Variants in KLHL30 observed in about 807,000 individuals in gnomAD.
KLHL30 encodes kelch-like protein 30.
Under a neutral mutation model 55.0 loss-of-function variants are expected in KLHL30, and 55 were observed. That is an observed-to-expected ratio of 1.00 (90% CI 0.80 to 1.25). The LOEUF (loss-of-function observed/expected upper bound fraction) is 1.25. Ranked by LOEUF, KLHL30 falls within the 50% of genes most tolerant of loss-of-function variation. The pLI is 0.00. For missense variants in KLHL30, 786 were observed against 811.6 expected (o/e 0.97, Z 0.38); for synonymous variants, 356 against 372.6 (o/e 0.96, Z 0.51).
At chr2:238,149,913 C>T (rs996962453) in intron 7 of KLHL30, among the ~76,000 whole-genome samples, 3 of 152,144 alleles carry the variant, frequency 2.0e-5, no homozygotes, top group Non-Finnish European at 4.4e-5. Flanking sequence ...CTGGACCTGC[C>T]CACCTGCCCC....
Position 238,152,097 on chromosome 2 carries a change from TGGGACATGGGGCTAGAA to T in KLHL30, c.*1034_*1050del, listed in dbSNP as rs1692766454. ...GTCCCTCCTGTCACAGGCTCCGCCCTGGGACATGGGGCTAGAAGTCAGGAGTCGGGCCCGGCCAGGCA... is the reference window on the plus strand; with the variant it reads ...GTCCCTCCTGTCACAGGCTCCGCCCTGTCAGGAGTCGGGCCCGGCCAGGCA... On this transcript the variant is annotated 3_prime_UTR_variant, in exon 8 of 8. Coordinates refer to ENST00000409223, the MANE Select transcript of KLHL30 (RefSeq NM_198582.4). The T allele has an allele frequency of 2.0e-6, 2 of 985,368 alleles. No homozygotes were observed. Among genetic ancestry groups the T allele is most frequent in the Admixed American group, 6.1e-5 (1 of 16,274 alleles). The allele number at this position is 985,368 out of a possible 1,614,324, so 61.0% of individuals were successfully genotyped here.
Position 238,151,052 on chromosome 2 carries a change from C to T in KLHL30, c.1724C>T (p.Thr575Ile). The part of the protein sequence containing the change: ...VSKWTQPSGP[T>I]QEH ...AAGTGGACCCAGCCCTCCGGCCCCA[C>T]CCAGGAGCACTAAACCAGGGCCAGG... The change falls in exon 8 of 8, where the codon ACC (threonine) becomes ATC (isoleucine). Residue 575 changes from threonine (T) to isoleucine (I), a missense_variant. By Grantham distance (89) the Thr-to-Ile change is moderately conservative (BLOSUM62 -1). Transcript: ENST00000409223. The T allele has an allele frequency of 1.3e-6, 2 of 1,591,982 alleles. No homozygotes were observed. The highest frequency in any genetic ancestry group is 1.1e-5 in the South Asian group (1 of 87,536).
In KLHL30 at chr2:238,141,312, C is replaced by A. The variant is rs1310859678; in HGVS notation, c.558C>A (p.Asp186Glu). ...GGCTGGTCACTTGTCTGGCCGGCGA[C>A]CTGCTGCAGGTACAGCCGGAGCAAA... is the stretch of plus-strand genomic sequence containing the variant. Reference protein sequence around the residue: ...RERLVTCLAGDLLQVQPEQSR... With the variant: ...RERLVTCLAGELLQVQPEQSR... The change falls in exon 2 of 8, where the codon GAC becomes GAA. Residue 186 changes from aspartate (D) to glutamate (E), a missense_variant. Transcript: ENST00000409223. The A allele has an allele frequency of 6.3e-7, 1 of 1,597,094 alleles. No individual in the cohort carries two copies. The highest frequency in any genetic ancestry group is 2.2e-5 in the East Asian group (1 of 44,638).
At chr2:238,144,400 A>C (rs554877580) in intron 3 of KLHL30, among the ~76,000 whole-genome samples, 42 of 110,930 alleles carry the variant, frequency 3.8e-4, no homozygotes, top group East Asian at 2.8e-3. Context: ...GGAAGGAAGG[A>C]AGGAAGGAAG....
intron 3 of KLHL30, 64 bp from the exon 4 acceptor site, chr2:238,144,838 G>A: frequency 2.5e-6 from 3 of 1,206,336 alleles, no homozygotes; most frequent in Non-Finnish European, 3.6e-6. Flanking sequence ...TGGGAAGGGG[G>A]AGTGGGGACC....
rs1692519082 is a variant in KLHL30 at position 238,140,859 on chromosome 2, C to A, written c.105C>A (p.Val35=). 3 of 1,610,978 alleles carry A rather than the reference C, an allele frequency of 1.9e-6. No individual in the cohort carries two copies. The South Asian group carries it at 3.3e-5, about 18-fold the overall frequency. ...RLRSQPKLAD[V]TLLVGGRELP... is the part of the protein sequence containing the mutation. ...GCTCTCAGCCCAAGCTGGCCGACGT[C>A]ACACTGCTGGTGGGCGGCCGGGAGC... Residue 35 remains valine (V), a synonymous_variant, in exon 2 of 8, where the codon GTC becomes GTA. Transcript: ENST00000409223.
intron 7 of KLHL30, among the ~76,000 whole-genome samples, chr2:238,150,291 C>G (rs541625631): frequency 6.6e-6 from 1 of 152,208 alleles, no homozygotes; most frequent in African/African-American, 2.4e-5. Context: ...GCTTCCCACC[C>G]GCCCGGGCTC....
Position 238,147,986 on chromosome 2 carries a change from A to G in KLHL30, c.1303A>G (p.Asn435Asp). ...GGTGGGCTCCAGCGCCTGCAAGTAC[A>G]ACGCCCTGGCCCTGCAGTGCTACAA... ...YLVGSSACKYNALALQCYNPV... is the reference protein window; with the variant it reads ...YLVGSSACKYDALALQCYNPV... Residue 435 changes from asparagine (N) to aspartate (D), a missense_variant, in exon 6 of 8, where the codon AAC (asparagine) becomes GAC (aspartate). Coordinates refer to ENST00000409223, the MANE Select transcript of KLHL30 (RefSeq NM_198582.4). This position sits in a 1 kb window ranked among gnomAD's most constrained non-coding sequence, Gnocchi z 5.8. 1 of 1,543,884 alleles carries G rather than the reference A, an allele frequency of 6.5e-7. No homozygotes were observed. The highest frequency in any genetic ancestry group is 1.2e-5 in the South Asian group (1 of 81,660).
chr2:238,143,709 G>C (rs1692582510), intron 3 of KLHL30, among the ~76,000 whole-genome samples: 1 of 152,244 alleles, frequency 6.6e-6, no homozygotes, highest in Non-Finnish European at 1.5e-5. Flanking sequence ...AGCTGTTCGG[G>C]TCAGGGGCTG....
rs201253372 is a variant in KLHL30 at position 238,141,001 on chromosome 2, G to A, written c.247G>A (p.Val83Met). 7.5e-5 allele frequency: 121 copies of A among 1,612,512 alleles called. No individual in the cohort carries two copies. The African/African-American group carries it at 9.9e-4, about 13-fold the overall frequency. Residue 83 changes from valine to methionine, a missense_variant, in exon 2 of 8, where the codon GTG becomes ATG. By Grantham distance (21) the Val-to-Met change is conservative. Transcript: ENST00000409223. ...RVELRDVEPA[V>M]VGQLVDFVYT... ...GGAGCTGCGGGACGTGGAGCCCGCC[G>A]TGGTGGGACAACTGGTGGACTTCGT...
At chr2:238,150,021 C>T (rs913497030) in intron 7 of KLHL30, among the ~76,000 whole-genome samples, 1 of 152,168 alleles carries the variant, frequency 6.6e-6, no homozygotes, top group Admixed American at 6.5e-5. Flanking sequence ...TGCAATCCTG[C>T]TGCCCACAGC....
At chr2:238,148,805 C>G (rs913852077) in intron 6 of KLHL30, among the ~76,000 whole-genome samples, 105 of 152,304 alleles carry the variant, frequency 6.9e-4, no homozygotes, top group Middle Eastern at 3.4e-3. Flanking sequence ...GGGTCACTGT[C>G]CCCAGAGGGA....
chr2:238,139,333 G>C (rs565257497), intron 1 of KLHL30, among the ~76,000 whole-genome samples: 1 of 152,208 alleles, frequency 6.6e-6, no homozygotes. Context: ...CTCATCTCCC[G>C]GCTGCCCAGG....
Position 238,149,012 on chromosome 2 carries a change from T to G in KLHL30, c.1345T>G (p.Trp449Gly), listed in dbSNP as rs775026918. The G allele has an allele frequency of 6.3e-7, 1 of 1,598,154 alleles. No homozygotes were observed. The highest frequency in any genetic ancestry group is 8.5e-7 in the Non-Finnish European group (1 of 1,172,796). The change falls in exon 7 of 8, where the codon TGG becomes GGG. Residue 449 changes from tryptophan to glycine, a missense_variant. Transcript: ENST00000409223. ...AGTGCCCGTGCCCCCCACAGATGCG[T>G]GGAGTGTGATCGCCTCGCCCTTCCT... The part of the protein sequence containing the change: ...LQCYNPVTDA[W>G]SVIASPFLPK...
intron 6 of KLHL30, among the ~76,000 whole-genome samples, chr2:238,148,347 A>T (rs1393035808): frequency 6.6e-6 from 1 of 152,164 alleles, no homozygotes; most frequent in Non-Finnish European, 1.5e-5. Context: ...AGCACCTGGC[A>T]GCTGCCTGGC....
At position 238,142,832 on chromosome 2, in the gene KLHL30, G is replaced by A. The variant is rs745912552; in HGVS notation, c.808G>A (p.Val270Ile). ...CGCCCTCCAGCAGAAGCTGGAGGAGGTCCTGGTGGTGGTGGGCGGGCAGGC... is the reference window on the plus strand; with the variant it reads ...CGCCCTCCAGCAGAAGCTGGAGGAGATCCTGGTGGTGGTGGGCGGGCAGGC... ...PLALQQKLEE[V>I]LVVVGGQALE... The change falls in exon 3 of 8, where the codon GTC (valine) becomes ATC (isoleucine). Residue 270 changes from valine to isoleucine, a missense_variant. Val to Ile is a conservative substitution (Grantham distance 29, BLOSUM62 3). Transcript: ENST00000409223. 6.9e-7 allele frequency: 1 copy of A among 1,445,274 alleles called. No individual in the cohort carries two copies. The highest frequency in any genetic ancestry group is 3.1e-5 in the Admixed American group (1 of 32,362). The allele number at this position is 1,445,274 out of a possible 1,614,324, so 89.5% of individuals were successfully genotyped here. A position where few individuals can be genotyped will look rare whatever the true frequency, so the allele number is the denominator to read the frequency against.
At position 238,144,426 on chromosome 2, in the gene KLHL30, G is replaced by GGAAT. The variant is rs1559276005; in HGVS notation, c.908-473_908-472insTGAA. Reference sequence around the variant, plus strand: ...AGGAAGGAAGGAAGGAAGGAAGGAAGGAAGGAAGGCAGGCAGGCAGGCAGG... The same window carrying GGAAT: ...AGGAAGGAAGGAAGGAAGGAAGGAAGGAATGAAGGAAGGCAGGCAGGCAGGCAGG... On this transcript the variant is annotated intron_variant, in intron 3 of 7. Coordinates refer to ENST00000409223, the MANE Select transcript of KLHL30 (RefSeq NM_198582.4). Among the ~76,000 whole-genome samples, 564 of 95,090 alleles carry GGAAT rather than the reference G, an allele frequency of 5.9e-3. 2 individuals are homozygous for GGAAT. Among genetic ancestry groups the GGAAT allele is most frequent in the Non-Finnish European group, 8.5e-3 (369 of 43,378 alleles). The allele number at this position is 95,090 out of a possible 152,430, so 62.4% of individuals were successfully genotyped here.
intron 3 of KLHL30, among the ~76,000 whole-genome samples, chr2:238,143,208 G>T (rs1574756961): frequency 6.6e-6 from 1 of 152,196 alleles, no homozygotes; most frequent in Non-Finnish European, 1.5e-5. Flanking sequence ...CGGTGTACAG[G>T]CCTCCACGGC....
In KLHL30 at chr2:238,149,162, C is replaced by T. The variant is rs1574760870; in HGVS notation, c.1485+10C>T. 6.2e-7 allele frequency: 1 copy of T among 1,612,198 alleles called. No individual in the cohort carries two copies. The highest frequency in any genetic ancestry group is 2.2e-5 in the East Asian group (1 of 44,876). On this transcript the variant is annotated intron_variant, in intron 7 of 7. Coordinates refer to ENST00000409223, the MANE Select transcript of KLHL30 (RefSeq NM_198582.4). ...CAACCTGTGGCAGAAGGTGGGCCGCCCCCTCCCCCAACATGTGTGAGCCCC... is the reference window on the plus strand; with the variant it reads ...CAACCTGTGGCAGAAGGTGGGCCGCTCCCTCCCCCAACATGTGTGAGCCCC...
Sources: allele counts gnomAD v4.1 joint callset (sites outside exome capture counted in the v4.1 genomes callset), GRCh38; gene constraint gnomAD v4.1.1; non-coding constraint Gnocchi (gnomAD v3.1); transcripts MANE v1.5; gene names NCBI Gene and HGNC (gene_info 2026-07-23, HGNC 2026-07-21).